The following SPAG16 variants were observed in gnomAD, a reference collection of about 807,000 sequenced individuals.
SPAG16 encodes sperm associated antigen 16, also known as sperm-associated antigen 16 protein.
SPAG16 carries 86 observed loss-of-function variants against 80.4 expected under a neutral mutation model. The ratio of observed to expected loss-of-function variants is 1.07; its 90% CI spans 0.90 to 1.28. SPAG16 has a LOEUF of 1.28. Ranked by LOEUF, SPAG16 falls within the 50% of genes most tolerant of loss-of-function variation. The pLI is 0.00. For missense variants in SPAG16, 870 were observed against 765.3 expected (o/e 1.14, Z -1.61); for synonymous variants, 294 against 265.9 (o/e 1.11, Z -1.03).
chr2:214,088,330 A>T (rs2051923228), intron 13 of SPAG16, among the ~76,000 whole-genome samples: 1 of 145,768 alleles, frequency 6.9e-6, no homozygotes, highest in East Asian at 1.9e-4. Context: ...TAACATCTGC[A>T]TATGCAGTTT....
At chr2:214,046,197 T>C (rs926078934) in intron 13 of SPAG16, among the ~76,000 whole-genome samples, 4 of 152,130 alleles carry the variant, frequency 2.6e-5, no homozygotes, top group African/African-American at 7.2e-5. Context: ...ATTGAGATCA[T>C]AGTTGTAATA....
intron 12 of SPAG16, among the ~76,000 whole-genome samples, chr2:213,946,275 C>T (rs1271513098): frequency 2.0e-5 from 3 of 152,102 alleles, no homozygotes; most frequent in Non-Finnish European, 4.4e-5. Context: ...CCACCACACC[C>T]ATCTAATTTT....
At chr2:213,601,673 T>C (rs558189231) in intron 10 of SPAG16, among the ~76,000 whole-genome samples, 2 of 152,350 alleles carry the variant, frequency 1.3e-5, no homozygotes, top group African/African-American at 4.8e-5. Flanking sequence ...TATATGACAG[T>C]GGTCCCATAA....
At chr2:213,573,796 C>T (rs995022995) in intron 10 of SPAG16, among the ~76,000 whole-genome samples, 11 of 152,142 alleles carry the variant, frequency 7.2e-5, no homozygotes, top group African/African-American at 2.7e-4. Flanking sequence ...ATTTTCTAAG[C>T]ACTCCCAGAA....
intron 6 of SPAG16, among the ~76,000 whole-genome samples, chr2:213,344,565 T>C (rs980444042): frequency 3.3e-5 from 5 of 152,136 alleles, no homozygotes; most frequent in Non-Finnish European, 7.4e-5. Context: ...GTATGTGATG[T>C]TCCCCTTCCT....
intron 15 of SPAG16, among the ~76,000 whole-genome samples, chr2:214,161,387 C>G (rs1348805866): frequency 6.6e-6 from 1 of 152,098 alleles, no homozygotes; most frequent in Non-Finnish European, 1.5e-5. Context: ...CATCATCTTC[C>G]ACAATGGTTG....
At chr2:214,112,639 C>CT (rs56776022) in intron 14 of SPAG16, among the ~76,000 whole-genome samples, 25,831 of 112,660 alleles carry the variant, frequency 0.23, 3,743 homozygotes, top group Middle Eastern at 0.27. Flanking sequence ...GCAACCCCTG[C>CT]TTTTTTTTTT....
At chr2:213,394,139 C>A (rs1238926964) in intron 9 of SPAG16, among the ~76,000 whole-genome samples, 3 of 151,896 alleles carry the variant, frequency 2.0e-5, no homozygotes, top group African/African-American at 7.3e-5. Context: ...GATTAAGAAA[C>A]CCTTTTTTAT....
At chr2:213,566,770 C>T (rs1482877511) in intron 10 of SPAG16, among the ~76,000 whole-genome samples, 2 of 152,120 alleles carry the variant, frequency 1.3e-5, no homozygotes, top group Non-Finnish European at 2.9e-5. Flanking sequence ...AGAAAACTGC[C>T]CTTTCCCAGA....
intron 15 of SPAG16, among the ~76,000 whole-genome samples, chr2:214,260,385 C>G (rs1307549653): frequency 6.6e-6 from 1 of 151,802 alleles, no homozygotes; most frequent in Non-Finnish European, 1.5e-5. Context: ...CATTGTAAGC[C>G]TCTACCACCT....
chr2:214,046,996 TAAATG>T (rs1242502877), intron 13 of SPAG16, among the ~76,000 whole-genome samples: 2 of 151,806 alleles, frequency 1.3e-5, no homozygotes, highest in Admixed American at 1.3e-4. Context: ...AAAGATCTCT[TAAATG>T]AAAACTATAA....
At chr2:213,694,731 T>C (rs2065087646) in intron 10 of SPAG16, among the ~76,000 whole-genome samples, 1 of 151,152 alleles carries the variant, frequency 6.6e-6, no homozygotes, top group African/African-American at 2.4e-5. Flanking sequence ...CCTGCTTGCA[T>C]TCCTCTCTTC....
chr2:214,198,189 G>A (rs554766115), intron 15 of SPAG16, among the ~76,000 whole-genome samples: 75 of 151,724 alleles, frequency 4.9e-4, no homozygotes, highest in Non-Finnish European at 9.1e-4. Flanking sequence ...TTGGTGCACC[G>A]TCACCTGAGC....
At chr2:214,140,072 C>T (rs2055270189) in intron 14 of SPAG16, among the ~76,000 whole-genome samples, 1 of 152,190 alleles carries the variant, frequency 6.6e-6, no homozygotes, top group Admixed American at 6.5e-5. Flanking sequence ...ATGTATAAAA[C>T]CAAACTGTAA....
chr2:213,983,243 T>G (rs2045852985), intron 12 of SPAG16, among the ~76,000 whole-genome samples: 1 of 151,920 alleles, frequency 6.6e-6, no homozygotes, highest in South Asian at 2.1e-4. Flanking sequence ...TACCAATCAT[T>G]TTCAGGTCAT....
intron 12 of SPAG16, among the ~76,000 whole-genome samples, chr2:213,980,710 G>GTT (rs1320481683): frequency 1.7e-5 from 2 of 117,248 alleles, no homozygotes; most frequent in Non-Finnish European, 3.4e-5. Context: ...GTGTGTGTGT[G>GTT]TGTATATATA....
At chr2:213,624,533 G>C (rs753649222) in intron 10 of SPAG16, among the ~76,000 whole-genome samples, 1 of 152,014 alleles carries the variant, frequency 6.6e-6, no homozygotes, top group Non-Finnish European at 1.5e-5. Flanking sequence ...ACTATAAGTA[G>C]GGTAGTAGTG....
At chr2:213,931,816 A>G (rs2078762717) in intron 12 of SPAG16, among the ~76,000 whole-genome samples, 1 of 152,138 alleles carries the variant, frequency 6.6e-6, no homozygotes, top group African/African-American at 2.4e-5. Context: ...ATCACTGTCA[A>G]GAGTTCACTT....
chr2:213,735,837 A>G (rs1489417917), intron 10 of SPAG16, among the ~76,000 whole-genome samples: 2 of 152,220 alleles, frequency 1.3e-5, no homozygotes, highest in African/African-American at 2.4e-5. Flanking sequence ...TTTGAAAGAT[A>G]TATTATGTCT....
Sources: gnomAD v4.1 joint callset for allele counts (sites outside exome capture counted in the v4.1 genomes callset) on GRCh38, gnomAD v4.1.1 for gene constraint, MANE v1.5 for transcripts, NCBI Gene and HGNC (gene_info 2026-07-23, HGNC 2026-07-21) for gene names.